Variants in PTPN7 observed in about 807,000 individuals in gnomAD.
PTPN7 encodes the protein protein tyrosine phosphatase non-receptor type 7, also known as tyrosine-protein phosphatase non-receptor type 7.
In PTPN7, 33 loss-of-function variants were observed where a neutral mutation model predicts 50.3. That is an observed-to-expected ratio of 0.66 (90% CI 0.50 to 0.88). PTPN7 has a LOEUF of 0.88. PTPN7 is among the 40% of genes least tolerant of loss of function. The pLI is 0.00. For synonymous variants in PTPN7, 185 were observed against 186.6 expected, an observed-to-expected ratio of 0.99 and a Z score of 0.07; for missense variants, 412 against 475.4, an observed-to-expected ratio of 0.87 and a Z score of 1.24.
At chr1:202,161,386 C>T (rs1219453305), upstream of PTPN7, 8 of 1,272,488 alleles carry the variant, frequency 6.3e-6, no homozygotes, top group African/African-American at 1.5e-5. Flanking sequence ...AGAAGACTTA[C>T]AGACAGTGGA....
Position 202,159,731 on chromosome 1 carries a change from C to T in PTPN7, c.-52-277G>A. 7.4e-7 allele frequency: 1 copy of T among 1,357,492 alleles called. No individual in the cohort carries two copies. The highest frequency in any genetic ancestry group is 9.5e-7 in the Non-Finnish European group (1 of 1,056,092). 84.1% of individuals were successfully genotyped at this position (1,357,492 alleles called of 1,614,324 possible). A position where few individuals can be genotyped will look rare whatever the true frequency, so the allele number is the denominator to read the frequency against. ...AGGAAAAGAGAGAGGGGAGAGAGGC[C>T]ACACACCAGAGTACACAGGGCTCTG... On this transcript the variant is annotated intron_variant, in intron 1 of 9. Transcript: ENST00000691036. The surrounding 1 kb of genome is among the most constrained non-coding windows in gnomAD (Gnocchi z 4.6).
intron 8 of PTPN7, among the ~76,000 whole-genome samples, chr1:202,151,706 A>G (rs1250010464): frequency 6.6e-6 from 1 of 151,886 alleles, no homozygotes; most frequent in East Asian, 1.9e-4. Context: ...TAGTAGAGAC[A>G]GGGTTTCTCC....
chr1:202,159,432 G>C lies in PTPN7; in HGVS notation c.-30C>G, dbSNP rs773573685. 2.5e-6 allele frequency: 4 copies of C among 1,613,970 alleles called. No homozygotes were observed. The highest frequency in any genetic ancestry group is 3.4e-6 in the Non-Finnish European group (4 of 1,179,904). On this transcript the variant is annotated 5_prime_UTR_variant, in exon 2 of 10. Coordinates refer to ENST00000691036, the MANE Select transcript of PTPN7 (RefSeq NM_002832.4). This position sits in a 1 kb window ranked among gnomAD's most constrained non-coding sequence, Gnocchi z 4.6. ...AGGTGGGGTGCTGGGCCCAGGGGAG[G>C]CTCACTCAGCCATGAGGTCTGCCTG...
rs1182176290 is a variant in PTPN7 at position 202,150,391 on chromosome 1, G to A, written c.909C>T (p.Ala303=). 4 of 1,611,890 alleles carry A rather than the reference G, an allele frequency of 2.5e-6. No individual in the cohort carries two copies. The African/African-American group carries it at 4.0e-5, about 16-fold the overall frequency. ...AGIGRTGCFI[A]TRIGCQQLKA... ...TCAGCTGTTGACAGCCAATTCGCGTGGCGATGAAGCAGCCCGTCCGGCCAA... is the reference window on the plus strand; with the variant it reads ...TCAGCTGTTGACAGCCAATTCGCGTAGCGATGAAGCAGCCCGTCCGGCCAA... The change falls in exon 9 of 10, where the codon GCC becomes GCT. Residue 303 remains alanine, a synonymous_variant. Coordinates refer to ENST00000691036, the MANE Select transcript of PTPN7 (RefSeq NM_002832.4).
chr1:202,151,191 C>G (rs1395186614), intron 8 of PTPN7, among the ~76,000 whole-genome samples: 1 of 152,188 alleles, frequency 6.6e-6, no homozygotes, highest in African/African-American at 2.4e-5. Flanking sequence ...GCCAGTCCTC[C>G]AAGTCCCCTC....
chr1:202,160,724 G>A (rs561576350), upstream of PTPN7: 351 of 1,550,438 alleles, frequency 2.3e-4, 1 homozygote, highest in South Asian at 3.8e-3. The surrounding 1 kb of genome is among the most constrained non-coding windows in gnomAD (Gnocchi z 4.8). Context: ...GCCACCAGGG[G>A]TCGGCTGCCT....
At chr1:202,161,527 G>A (rs1194752810), upstream of PTPN7, 4 of 1,289,324 alleles carry the variant, frequency 3.1e-6, no homozygotes, top group Non-Finnish European at 3.0e-6. Flanking sequence ...GACCTTGGCA[G>A]GCTCCTTGCG....
chr1:202,159,693 A>G lies in PTPN7; in HGVS notation c.-52-239T>C, dbSNP rs1349348278. ...TAGAGATTGTGGATGAAGATAGGAA[A>G]GAATCCAGAAGGAGGAAAAGAGAGA... On this transcript the variant is annotated intron_variant, in intron 1 of 9. Transcript: ENST00000691036. This position sits in a 1 kb window ranked among gnomAD's most constrained non-coding sequence, Gnocchi z 4.6. 2 of 1,371,944 alleles carry G rather than the reference A, an allele frequency of 1.5e-6. No homozygotes were observed. Among genetic ancestry groups the G allele is most frequent in the Admixed American group, 6.1e-5 (2 of 32,780 alleles). 85.0% of individuals were successfully genotyped at this position (1,371,944 alleles called of 1,614,324 possible).
chr1:202,150,023 G>T (rs1655781258), intron 9 of PTPN7: 1 of 272,500 alleles, frequency 3.7e-6, no homozygotes. Context: ...GTAGAGACAG[G>T]GTTTACACCA....
intron 4 of PTPN7, among the ~76,000 whole-genome samples, chr1:202,156,031 C>T (rs1656619675): frequency 6.6e-6 from 1 of 152,186 alleles, no homozygotes; most frequent in South Asian, 2.1e-4. Flanking sequence ...ACCTCAACCT[C>T]CCAAAGTGCT....
chr1:202,160,381 C>A lies in PTPN7; in HGVS notation c.-53+164G>T, dbSNP rs940347038. ...TAGCTCCCTGTGGCTTCCCTGCTCA[C>A]CCCCGTCTTGGGGACATCAGGTCTG... On this transcript the variant is annotated intron_variant, in intron 1 of 9. Transcript: ENST00000691036. This position sits in a 1 kb window ranked among gnomAD's most constrained non-coding sequence, Gnocchi z 4.8. Among the ~76,000 whole-genome samples, 25 of 152,078 alleles carry A rather than the reference C, an allele frequency of 1.6e-4. No individual in the cohort carries two copies. The highest frequency in any genetic ancestry group is 5.1e-4 in the African/African-American group (21 of 41,386).
In PTPN7 at chr1:202,159,195, C is replaced by T. The variant is rs1438863125; in HGVS notation, c.122+86G>A. 7.2e-7 allele frequency: 1 copy of T among 1,383,426 alleles called. No homozygotes were observed. Among genetic ancestry groups the T allele is most frequent in the Non-Finnish European group, 1.0e-6 (1 of 986,592 alleles). The allele number at this position is 1,383,426 out of a possible 1,614,324, so 85.7% of individuals were successfully genotyped here. ...CTGAGGGCCCTCTGGACCCTGCTGT[C>T]AGAGCTGGAGGGGCAGATGGAAGGA... is the stretch of plus-strand genomic sequence containing the variant. On this transcript the variant is annotated intron_variant, in intron 2 of 9. Coordinates refer to ENST00000691036, the MANE Select transcript of PTPN7 (RefSeq NM_002832.4). The surrounding 1 kb of genome is among the most constrained non-coding windows in gnomAD (Gnocchi z 4.6).
chr1:202,154,642 C>T (rs779433832), intron 5 of PTPN7, among the ~76,000 whole-genome samples: 28 of 152,168 alleles, frequency 1.8e-4, no homozygotes, highest in Admixed American at 1.2e-3. Context: ...GGATTAAATT[C>T]AGTAAGATAT....
intron 5 of PTPN7, among the ~76,000 whole-genome samples, chr1:202,154,965 G>A (rs867936142): frequency 1.2e-4 from 18 of 152,204 alleles, no homozygotes; most frequent in Middle Eastern, 3.4e-3. Flanking sequence ...AGAGCTTTTC[G>A]CCTCCCTGCG....
Position 202,160,439 on chromosome 1 carries a change from G to GT in PTPN7, c.-53+105_-53+106insA. 8.5e-7 allele frequency: 1 copy of GT among 1,182,858 alleles called. No homozygotes were observed. The highest frequency in any genetic ancestry group is 1.2e-6 in the Non-Finnish European group (1 of 842,060). 73.3% of individuals were successfully genotyped at this position (1,182,858 alleles called of 1,614,324 possible). ...CCATACCCCAGCCAGGCACTGTGGCGCCCCACTCGCCCTCCCGCACTCCCT... is the reference window on the plus strand; with the variant it reads ...CCATACCCCAGCCAGGCACTGTGGCGTCCCCACTCGCCCTCCCGCACTCCCT... On this transcript the variant is annotated intron_variant, in intron 1 of 9. Coordinates refer to ENST00000691036, the MANE Select transcript of PTPN7 (RefSeq NM_002832.4). The surrounding 1 kb of genome is among the most constrained non-coding windows in gnomAD (Gnocchi z 4.8).
chr1:202,152,973 T>A (rs942208864), intron 7 of PTPN7, among the ~76,000 whole-genome samples: 2 of 152,232 alleles, frequency 1.3e-5, no homozygotes, highest in African/African-American at 4.8e-5. Flanking sequence ...AGTCCCTTGA[T>A]CTCATTTTCT....
In PTPN7 at chr1:202,153,720, G is replaced by A. The variant is rs1248782835; in HGVS notation, c.717+5C>T. 3 of 1,611,116 alleles carry A rather than the reference G, an allele frequency of 1.9e-6. No individual in the cohort carries two copies. The highest frequency in any genetic ancestry group is 2.2e-5 in the South Asian group (2 of 91,000). ...CCACTGGGCCTGGCTCCGGGGGGGT[G>A]GTACCTGGATGGTGAGCTGCCGCAC... On this transcript the variant is annotated splice_donor_5th_base_variant and intron_variant, in intron 7 of 9. Coordinates refer to ENST00000691036, the MANE Select transcript of PTPN7 (RefSeq NM_002832.4).
In PTPN7 at chr1:202,159,708, GA is replaced by G; in HGVS notation, c.-52-255del. 7.3e-7 allele frequency: 1 copy of G among 1,364,858 alleles called. No homozygotes were observed. The highest frequency in any genetic ancestry group is 9.4e-7 in the Non-Finnish European group (1 of 1,059,886). 84.5% of individuals were successfully genotyped at this position (1,364,858 alleles called of 1,614,324 possible). A position where few individuals can be genotyped will look rare whatever the true frequency, so the allele number is the denominator to read the frequency against. On this transcript the variant is annotated intron_variant, in intron 1 of 9. Coordinates refer to ENST00000691036, the MANE Select transcript of PTPN7 (RefSeq NM_002832.4). The surrounding 1 kb of genome is among the most constrained non-coding windows in gnomAD (Gnocchi z 4.6). ...AAGATAGGAAAGAATCCAGAAGGAGGAAAAGAGAGAGGGGAGAGAGGCCACA... is the reference window on the plus strand; with the variant it reads ...AAGATAGGAAAGAATCCAGAAGGAGGAAAGAGAGAGGGGAGAGAGGCCACA...
chr1:202,154,103 C>G (rs1488559245), intron 6 of PTPN7, 83 bp downstream of exon 6: 1 of 1,568,332 alleles, frequency 6.4e-7, no homozygotes, highest in Non-Finnish European at 8.7e-7. Context: ...ACCTCTGGTT[C>G]TGAGCTGCCC....
Sources: allele counts gnomAD v4.1 joint callset (sites outside exome capture counted in the v4.1 genomes callset), GRCh38; gene constraint gnomAD v4.1.1; non-coding constraint Gnocchi (gnomAD v3.1); transcripts MANE v1.5; gene names NCBI Gene and HGNC (gene_info 2026-07-23, HGNC 2026-07-21).